NUP88: variants seen among roughly 807,000 people sequenced by gnomAD.
NUP88 encodes nucleoporin 88, also known as nuclear pore complex protein Nup88.
A neutral mutation model predicts 93.9 loss-of-function variants in NUP88; 57 were observed. That is an observed-to-expected ratio of 0.61 (90% confidence interval 0.49 to 0.76). The LOEUF is 0.76. NUP88 is among the 30% of genes least tolerant of loss of function. The pLI is 0.00. For synonymous variants in NUP88, 346 were observed against 336.8 expected (o/e 1.03, Z -0.30); for missense variants, 911 against 901.0 (o/e 1.01, Z -0.14).
rs775598612 is a variant in NUP88, at chr17:5,387,873, CAGG to C, written c.1672_1674del (p.Pro558del). 3.4e-5 allele frequency: 55 copies of C among 1,613,850 alleles called. No individual in the cohort carries two copies. Among genetic ancestry groups the C allele is most frequent in the Non-Finnish European group, 4.2e-5 (50 of 1,179,874 alleles). On this transcript the variant is annotated inframe_deletion, in exon 12 of 17. Coordinates refer to ENST00000573584, the MANE Select transcript of NUP88 (RefSeq NM_002532.6). Reference sequence around the variant, plus strand: ...CTGCTGAGGAGCTGAAGGCATTCTTCAGGAGGAGGGGCTATGTCCTTTTCAGAA... The same window carrying C: ...CTGCTGAGGAGCTGAAGGCATTCTTCAGGAGGGGCTATGTCCTTTTCAGAA...
At chr17:5,390,853 C>G (rs568930191) in intron 10 of NUP88, among the ~76,000 whole-genome samples, 2 of 152,028 alleles carry the variant, frequency 1.3e-5, no homozygotes, top group Admixed American at 6.6e-5. Flanking sequence ...TACCACCATG[C>G]CTGGCTAATT....
chr17:5,391,728 T>C, intron 9 of NUP88, 66 bp from the exon 10 acceptor site: 1 of 1,354,358 alleles, frequency 7.4e-7, no homozygotes, highest in Non-Finnish European at 1.1e-6. Context: ...AGCAAAGACA[T>C]GACAGGTCCG....
chr17:5,399,045 C>T (rs747734508), intron 8 of NUP88, among the ~76,000 whole-genome samples: 20 of 151,922 alleles, frequency 1.3e-4, no homozygotes, highest in East Asian at 3.9e-4. Flanking sequence ...CCCGCCACCA[C>T]GCCCGGAGAA....
In NUP88 at chr17:5,385,956, GGCAGTGT is replaced by G. The variant is rs1911924021; in HGVS notation, c.*243_*249del. ...ACTCAATAGGGTTCAGGGAGGTTCTGGCAGTGTGCAGTGTGAAATAATCCTGAGTCCT... is the reference window on the plus strand; with the variant it reads ...ACTCAATAGGGTTCAGGGAGGTTCTGGCAGTGTGAAATAATCCTGAGTCCT... On this transcript the variant is annotated 3_prime_UTR_variant, in exon 17 of 17. Coordinates refer to ENST00000573584, the MANE Select transcript of NUP88 (RefSeq NM_002532.6). The G allele has an allele frequency of 1.1e-5, 5 of 437,744 alleles. No homozygotes were observed. In the South Asian group the frequency reaches 2.1e-4, roughly 19 times the overall value. The allele number at this position is 437,744 out of a possible 1,614,324, so 27.1% of individuals were successfully genotyped here.
At chr17:5,409,139 C>T (rs1266692245) in intron 4 of NUP88, among the ~76,000 whole-genome samples, 8 of 152,020 alleles carry the variant, frequency 5.3e-5, no homozygotes, top group African/African-American at 1.2e-4. Flanking sequence ...TTTGGGAGGC[C>T]GAGGTGGGTG....
At chr17:5,387,132 A>G (rs113551098) in intron 14 of NUP88, 22 bp from the exon 15 acceptor site, 8 of 1,611,590 alleles carry the variant, frequency 5.0e-6, no homozygotes, top group African/African-American at 4.0e-5. Context: ...GCAAGCAAAC[A>G]TCTCAATTTA....
At chr17:5,397,167 C>T (rs1296188447) in intron 8 of NUP88, among the ~76,000 whole-genome samples, 1 of 151,960 alleles carries the variant, frequency 6.6e-6, no homozygotes, top group African/African-American at 2.4e-5. Flanking sequence ...CGGTAAAACC[C>T]CATCTCTACA....
In NUP88 at chr17:5,407,906, TA is replaced by T. The variant is rs371863247; in HGVS notation, c.857+826del. On this transcript the variant is annotated intron_variant, in intron 5 of 16. Coordinates refer to ENST00000573584, the MANE Select transcript of NUP88 (RefSeq NM_002532.6). ...AAGCTCAATTTTGCAAAAGCTTCTT[TA>T]AAAGTCTCTGTCCCAGTCCCCTCCC... is the stretch of plus-strand genomic sequence containing the variant. 1.6e-3 allele frequency among the ~76,000 whole-genome samples: 246 copies of T among 152,296 alleles called. 2 individuals are homozygous for T. Among genetic ancestry groups the T allele is most frequent in the African/African-American group, 5.5e-3 (228 of 41,556 alleles).
At chr17:5,418,265 A>C (rs2048877163) in intron 1 of NUP88, 1 of 152,050 alleles carries the variant, frequency 6.6e-6, no homozygotes, top group African/African-American at 2.4e-5. Context: ...AATTATTATT[A>C]TTTTTTGAGA....
At chr17:5,387,531 G>A in intron 13 of NUP88, 65 bp from the exon 14 acceptor site, 2 of 1,581,734 alleles carry the variant, frequency 1.3e-6, no homozygotes, top group Non-Finnish European at 1.7e-6. Context: ...ACCTAATGTG[G>A]CTCAGCATCT....
At position 5,404,544 on chromosome 17, in the gene NUP88, G is replaced by A. The variant is rs1392091560; in HGVS notation, c.1045-298C>T. On this transcript the variant is annotated intron_variant, in intron 6 of 16. Coordinates refer to ENST00000573584, the MANE Select transcript of NUP88 (RefSeq NM_002532.6). ...CAAGAGAATCGCTTGAACTCAGGAG[G>A]CAGAGGTTGCAGTGAGCCGAGATCA... Among the ~76,000 whole-genome samples, 5 of 151,462 alleles carry A rather than the reference G, an allele frequency of 3.3e-5. No homozygotes were observed. In the South Asian group the frequency reaches 1.0e-3, roughly 32 times the overall value.
chr17:5,416,474 T>C (rs776457956), intron 2 of NUP88, 39 bp downstream of exon 2: 13 of 1,417,856 alleles, frequency 9.2e-6, no homozygotes, highest in African/African-American at 4.4e-5. Flanking sequence ...ATTTTCTGTA[T>C]ATATAATAAA....
chr17:5,419,410 C>T lies in NUP88; in HGVS notation c.241G>A (p.Val81Ile). ...WDGEDSSFLV[V>I]RLRGPSGGGE... ...CCGCCGCTGGGGCCCCGAAGGCGAA[C>T]GACTAAGAAGGAGCTGTCTTCTCCG... The change falls in exon 1 of 17, where the codon GTT (valine) becomes ATT (isoleucine). Residue 81 changes from valine (V) to isoleucine (I), a missense_variant. By Grantham distance (29) the Val-to-Ile change is conservative. Transcript: ENST00000573584. 6.2e-7 allele frequency: 1 copy of T among 1,611,500 alleles called. No homozygotes were observed. The highest frequency in any genetic ancestry group is 8.5e-7 in the Non-Finnish European group (1 of 1,178,218).
Position 5,390,554 on chromosome 17 carries a change from G to A in NUP88, c.1484+1007C>T, listed in dbSNP as rs565334016. 6.4e-4 allele frequency among the ~76,000 whole-genome samples: 98 copies of A among 152,254 alleles called. No individual in the cohort carries two copies. In the Middle Eastern group the frequency reaches 0.014, roughly 21 times the overall value. ...GGGGTGGGGGTGTTGTCTAGTGTTT[G>A]AAGCTCCAGTGACTTTTGTTTTTGG... On this transcript the variant is annotated intron_variant, in intron 10 of 16. Coordinates refer to ENST00000573584, the MANE Select transcript of NUP88 (RefSeq NM_002532.6).
chr17:5,397,327 G>T (rs1011740426), intron 8 of NUP88, among the ~76,000 whole-genome samples: 1 of 150,852 alleles, frequency 6.6e-6, no homozygotes, highest in Non-Finnish European at 1.5e-5. Flanking sequence ...ACAACAGAGT[G>T]AGACCCTCTG....
rs775201343 is a variant in NUP88, at chr17:5,404,142, G to A, written c.1149C>T (p.Asp383=). 2 of 1,614,076 alleles carry A rather than the reference G, an allele frequency of 1.2e-6. No homozygotes were observed. Among genetic ancestry groups the A allele is most frequent in the East Asian group, 2.2e-5 (1 of 44,880 alleles). The change falls in exon 7 of 17, where the codon GAC becomes GAT. Residue 383 remains aspartate, a synonymous_variant. Transcript: ENST00000573584. ...GACAAGAAAAGTCAGAATCAAAAGG[G>A]TCATCCTCTCCAGATGCCAGTTTCA... The part of the protein sequence containing the change: ...LALKLASGED[D]PFDSDFSCPV...
chr17:5,408,424 C>A (rs1913622865), intron 5 of NUP88, among the ~76,000 whole-genome samples: 1 of 152,160 alleles, frequency 6.6e-6, no homozygotes, highest in South Asian at 2.1e-4. Flanking sequence ...GATTACCACG[C>A]CTACGTGGTG....
chr17:5,394,191 T>G (rs965370576), intron 9 of NUP88, among the ~76,000 whole-genome samples: 5 of 152,288 alleles, frequency 3.3e-5, no homozygotes, highest in Admixed American at 2.6e-4. Flanking sequence ...AAGCCATGAT[T>G]ACGGCAGAAG....
chr17:5,397,640 A>C (rs1245319939), intron 8 of NUP88, among the ~76,000 whole-genome samples: 2 of 152,236 alleles, frequency 1.3e-5, no homozygotes, highest in African/African-American at 4.8e-5. Flanking sequence ...AAACTATAAG[A>C]TAACAAATTT....
Sources: allele counts gnomAD v4.1 joint callset (sites outside exome capture counted in the v4.1 genomes callset), GRCh38; gene constraint gnomAD v4.1.1; transcripts MANE v1.5; gene names NCBI Gene and HGNC (gene_info 2026-07-23, HGNC 2026-07-21).